Variants in POTEF observed in about 807,000 individuals in gnomAD.
POTEF encodes the protein POTE ankyrin domain family member F.
A neutral mutation model predicts 83.2 loss-of-function variants in POTEF; 20 were observed. That is an observed-to-expected ratio of 0.24 (90% CI 0.17 to 0.35). The LOEUF is 0.35. POTEF is among the 10% of genes least tolerant of loss of function. The pLI, the probability that POTEF is intolerant of heterozygous loss-of-function variation, is 1.00. For missense variants in POTEF, 550 were observed against 1,203.2 expected (o/e 0.46, Z 8.03); for synonymous variants, 196 against 446.4 (o/e 0.44, Z 7.07).
intron 8 of POTEF, among the ~76,000 whole-genome samples, chr2:130,107,445 C>A (rs1448647834): frequency 1.3e-5 from 2 of 150,894 alleles, no homozygotes; most frequent in Non-Finnish European, 2.9e-5. Context: ...GGTAGGACCA[C>A]GCAGAGCAGG....
intron 3 of POTEF, among the ~76,000 whole-genome samples, chr2:130,117,148 T>C (rs1684865486): frequency 6.6e-6 from 1 of 151,892 alleles, no homozygotes; most frequent in Non-Finnish European, 1.5e-5. Flanking sequence ...TTCATAAACA[T>C]ATAACTCAAC....
intron 11 of POTEF, among the ~76,000 whole-genome samples, chr2:130,098,496 T>A (rs1684308775): frequency 6.6e-6 from 1 of 151,976 alleles, no homozygotes. Flanking sequence ...AGCTTCCATT[T>A]GCAACACAGG....
At chr2:130,122,495 T>C (rs1685021506) in intron 2 of POTEF, among the ~76,000 whole-genome samples, 2 of 133,928 alleles carry the variant, frequency 1.5e-5, no homozygotes, top group Admixed American at 8.0e-5. Context: ...TTTGTTCTTT[T>C]TGCTAAAGAT....
At chr2:130,121,119 C>T (rs1390770359) in intron 2 of POTEF, among the ~76,000 whole-genome samples, 23 of 151,430 alleles carry the variant, frequency 1.5e-4, no homozygotes, top group African/African-American at 5.4e-4. Context: ...GGCGTGTGCG[C>T]GCGGCGTGCG....
chr2:130,075,273 G>A lies in POTEF; in HGVS notation c.2199C>T (p.Ser733=), dbSNP rs560358494. ...CCTGCTGCCTGGGGCGCCCCACGAT[G>A]GAAGGGAAGACAGCCCGGGGGGCAT... The part of the protein sequence containing the change: ...GDDAPRAVFP[S]IVGRPRQQGM... Residue 733 remains serine (S), a synonymous_variant, in exon 17 of 17, where the codon TCC becomes TCT. Coordinates refer to ENST00000409914, the MANE Select transcript of POTEF (RefSeq NM_001099771.2). 48 of 1,612,580 alleles carry A rather than the reference G, an allele frequency of 3.0e-5. No individual in the cohort carries two copies. The highest frequency in any genetic ancestry group is 3.6e-5 in the Non-Finnish European group (43 of 1,179,858).
At chr2:130,125,614 G>T (rs1429420608) in intron 2 of POTEF, among the ~76,000 whole-genome samples, 1 of 151,660 alleles carries the variant, frequency 6.6e-6, no homozygotes, top group African/African-American at 2.4e-5. Flanking sequence ...AGATACAAAA[G>T]TTAATAAAGC....
intron 7 of POTEF, among the ~76,000 whole-genome samples, chr2:130,108,394 T>C (rs1320145853): frequency 1.3e-5 from 2 of 152,068 alleles, no homozygotes; most frequent in African/African-American, 2.4e-5. Context: ...CTATTTGTTC[T>C]TGGACAACTT....
At chr2:130,122,200 C>T (rs556709821) in intron 2 of POTEF, among the ~76,000 whole-genome samples, 20 of 148,622 alleles carry the variant, frequency 1.3e-4, no homozygotes, top group African/African-American at 4.7e-4. Flanking sequence ...GGACAGACCA[C>T]ATTTTATTAA....
At chr2:130,112,303 A>T (rs553221438) in intron 5 of POTEF, among the ~76,000 whole-genome samples, 2 of 89,836 alleles carry the variant, frequency 2.2e-5, no homozygotes, top group African/African-American at 8.4e-5. Context: ...CACCACAGTA[A>T]CTCTAATCAT....
At position 130,095,018 on chromosome 2, in the gene POTEF, T is replaced by C. The variant is rs1420922206; in HGVS notation, c.1410-1510A>G. Among the ~76,000 whole-genome samples, 6 of 150,976 alleles carry C rather than the reference T, an allele frequency of 4.0e-5. No homozygotes were observed. In the South Asian group the frequency reaches 6.3e-4, roughly 16 times the overall value. ...AGGCAAAACTGTTAGGAAAGAACCA[T>C]GTCAAACTTTTTTTTTTTTTTTTTT... On this transcript the variant is annotated intron_variant, in intron 11 of 16. Transcript: ENST00000409914.
At chr2:130,092,350 TG>T (rs1354617048) in intron 12 of POTEF, among the ~76,000 whole-genome samples, 1 of 126,224 alleles carries the variant, frequency 7.9e-6, no homozygotes, top group Non-Finnish European at 1.6e-5. Context: ...ACCACAGAAA[TG>T]AAATAGAAAC....
At chr2:130,116,039 G>T (rs1684835189) in intron 3 of POTEF, among the ~76,000 whole-genome samples, 1 of 152,036 alleles carries the variant, frequency 6.6e-6, no homozygotes, top group Non-Finnish European at 1.5e-5. Context: ...AACAGGTCCG[G>T]GGCGGTTCCA....
chr2:130,128,286 C>T (rs1018373412), intron 1 of POTEF, among the ~76,000 whole-genome samples: 2 of 151,654 alleles, frequency 1.3e-5, no homozygotes, highest in South Asian at 2.1e-4. Context: ...AGGTGCAGGC[C>T]GGAGAACCGC....
Position 130,075,328 on chromosome 2 carries a change from C to T in POTEF, c.2144G>A (p.Gly715Asp), listed in dbSNP as rs756099864. 6.2e-7 allele frequency: 1 copy of T among 1,612,502 alleles called. No homozygotes were observed. Among genetic ancestry groups the T allele is most frequent in the Non-Finnish European group, 8.5e-7 (1 of 1,179,850 alleles). ...GCCCGCAAAGCCGGCCTTGCACATG[C>T]CAGAGCCGTTGTCAATGACGAGCAC... ...TAVLVIDNGSGMCKAGFAGDD... is the reference protein window; with the variant it reads ...TAVLVIDNGSDMCKAGFAGDD... The change falls in exon 17 of 17, where the codon GGC (glycine) becomes GAC (aspartate). Residue 715 changes from glycine to aspartate, a missense_variant. Physicochemically the swap from Gly to Asp is moderately conservative, Grantham distance 94. Coordinates refer to ENST00000409914, the MANE Select transcript of POTEF (RefSeq NM_001099771.2).
chr2:130,100,952 A>G (rs1350594465), intron 9 of POTEF, among the ~76,000 whole-genome samples: 1 of 149,126 alleles, frequency 6.7e-6, no homozygotes, highest in Non-Finnish European at 1.5e-5. Context: ...TCTGACTAAC[A>G]TGTGAAAAAT....
intron 3 of POTEF, among the ~76,000 whole-genome samples, chr2:130,118,905 TA>T (rs1684919492): frequency 6.6e-6 from 1 of 150,400 alleles, no homozygotes; most frequent in Admixed American, 6.6e-5. Flanking sequence ...TATCAAGCGC[TA>T]AATTCTTAAC....
chr2:130,120,202 C>A lies in POTEF; in HGVS notation c.314G>T (p.Cys105Phe), dbSNP rs534751551. The A allele has an allele frequency of 4.7e-4, 750 of 1,598,480 alleles. 2 individuals are homozygous for A. The East Asian group carries it at 0.017, about 36-fold the overall frequency. The change falls in exon 3 of 17, where the codon TGC becomes TTC. Residue 105 changes from cysteine (C) to phenylalanine (F), a missense_variant. Physicochemically the swap from Cys to Phe is radical, Grantham distance 205. Coordinates refer to ENST00000409914, the MANE Select transcript of POTEF (RefSeq NM_001099771.2). ...RNKMGKWCCHCFPCCRGSSKS... is the reference protein window; with the variant it reads ...RNKMGKWCCHFFPCCRGSSKS... ...GCTGCTCCCCCTGCAGCAGGGGAAG[C>A]AGTGGCAGCACCACTTGCCCATCTT...
intron 7 of POTEF, among the ~76,000 whole-genome samples, chr2:130,109,026 A>G (rs979989901): frequency 6.6e-6 from 1 of 151,322 alleles, no homozygotes; most frequent in African/African-American, 2.5e-5. Context: ...TACTAACAAT[A>G]TATTTTGCAC....
chr2:130,087,626 AT>A (rs1364930675), intron 13 of POTEF, among the ~76,000 whole-genome samples: 1 of 86,456 alleles, frequency 1.2e-5, no homozygotes, highest in Non-Finnish European at 2.3e-5. Flanking sequence ...TTAAGAATCT[AT>A]TAAAATTTTT....
Sources: gnomAD v4.1 joint callset for allele counts (sites outside exome capture counted in the v4.1 genomes callset) on GRCh38, gnomAD v4.1.1 for gene constraint, MANE v1.5 for transcripts, NCBI Gene and HGNC (gene_info 2026-07-23, HGNC 2026-07-21) for gene names.